LDB2: variants seen among roughly 807,000 people sequenced by gnomAD.
LDB2 encodes the protein LIM domain-binding protein 2.
A neutral mutation model predicts 44.3 loss-of-function variants in LDB2; 12 were observed. That is an observed-to-expected ratio of 0.27 (90% confidence interval 0.17 to 0.44). The LOEUF (loss-of-function observed/expected upper bound fraction) is 0.44, where lower values mean the gene tolerates loss of function less well. Among genes scored for constraint, LDB2 ranks in the 20% least tolerant of loss-of-function variants. The probability of loss-of-function intolerance (pLI) is 1.00; values close to 1 mark genes in which losing one functional copy is unlikely to be tolerated. For synonymous variants in LDB2, 164 were observed against 174.8 expected, an observed-to-expected ratio of 0.94 and a Z score of 0.49; for missense variants, 344 against 473.5, an observed-to-expected ratio of 0.73 and a Z score of 2.54.
At chr4:16,743,368 C>G (rs922645405) in intron 2 of LDB2, among the ~76,000 whole-genome samples, 1 of 152,106 alleles carries the variant, frequency 6.6e-6, no homozygotes, top group African/African-American at 2.4e-5. Context: ...AGAAAGAATT[C>G]TGAGTGGCCT....
At chr4:16,722,507 C>T (rs114088801) in intron 2 of LDB2, among the ~76,000 whole-genome samples, 2,707 of 152,224 alleles carry the variant, frequency 0.018, 73 homozygotes, top group African/African-American at 0.062. Flanking sequence ...AAAGGGCTAG[C>T]CTCAGAAGGA....
intron 1 of LDB2, among the ~76,000 whole-genome samples, chr4:16,830,115 GA>G (rs1013570347): frequency 6.6e-6 from 1 of 151,056 alleles, no homozygotes; most frequent in Non-Finnish European, 1.5e-5. Context: ...ATCTCAAAAA[GA>G]AAAAAAAGAA....
chr4:16,835,621 C>T (rs971796549), intron 1 of LDB2, among the ~76,000 whole-genome samples: 13 of 152,270 alleles, frequency 8.5e-5, no homozygotes, highest in South Asian at 4.1e-4. Flanking sequence ...TAATTAAATT[C>T]GAATTGCTAG....
intron 5 of LDB2, among the ~76,000 whole-genome samples, chr4:16,532,675 TC>T (rs1730545376): frequency 6.6e-6 from 1 of 152,178 alleles, no homozygotes; most frequent in East Asian, 1.9e-4. Flanking sequence ...GTTGCTTTTT[TC>T]CCCCATTACC....
chr4:16,602,570 C>T (rs1722861644), intron 2 of LDB2, among the ~76,000 whole-genome samples: 1 of 152,144 alleles, frequency 6.6e-6, no homozygotes, highest in African/African-American at 2.4e-5. Flanking sequence ...AATGTCAAGA[C>T]ATTGAAAGAT....
intron 2 of LDB2, among the ~76,000 whole-genome samples, chr4:16,692,025 T>C (rs1395002437): frequency 6.6e-6 from 1 of 152,194 alleles, no homozygotes; most frequent in Non-Finnish European, 1.5e-5. Flanking sequence ...TTGTGCTGAA[T>C]CTGTGGCATT....
At chr4:16,745,540 A>C (rs948585471) in intron 2 of LDB2, among the ~76,000 whole-genome samples, 8 of 152,240 alleles carry the variant, frequency 5.3e-5, no homozygotes, top group African/African-American at 1.9e-4. Context: ...GGAGGCTTGG[A>C]GAAAATGCCA....
intron 5 of LDB2, among the ~76,000 whole-genome samples, chr4:16,564,259 G>T (rs1334857100): frequency 2.0e-5 from 3 of 152,210 alleles, no homozygotes; most frequent in Non-Finnish European, 4.4e-5. Flanking sequence ...TCCCCAGGAG[G>T]CTGAGACAGG....
At chr4:16,854,091 T>C (rs1004727104) in intron 1 of LDB2, among the ~76,000 whole-genome samples, 5 of 152,058 alleles carry the variant, frequency 3.3e-5, no homozygotes, top group African/African-American at 1.2e-4. Context: ...ATAGGTAATA[T>C]AACTGTATGG....
chr4:16,840,412 A>T (rs1481808478), intron 1 of LDB2, among the ~76,000 whole-genome samples: 1 of 152,208 alleles, frequency 6.6e-6, no homozygotes, highest in Non-Finnish European at 1.5e-5. Context: ...AATAATTTCC[A>T]TGTCCTCTTT....
chr4:16,521,936 G>A (rs942044529), intron 5 of LDB2, among the ~76,000 whole-genome samples: 4 of 152,118 alleles, frequency 2.6e-5, no homozygotes, highest in African/African-American at 4.8e-5. Context: ...TGGGAGCCTC[G>A]TGTGTTGTGG....
At position 16,533,035 on chromosome 4, in the gene LDB2, T is replaced by A. The variant is rs918773365; in HGVS notation, c.616-20931A>T. 1.3e-5 allele frequency among the ~76,000 whole-genome samples: 2 copies of A among 152,190 alleles called. No individual in the cohort carries two copies. Among genetic ancestry groups the A allele is most frequent in the Non-Finnish European group, 2.9e-5 (2 of 68,038 alleles). On this transcript the variant is annotated intron_variant, in intron 5 of 7. Coordinates refer to ENST00000304523, the MANE Select transcript of LDB2 (RefSeq NM_001290.5). The surrounding 1 kb of genome is among the most constrained non-coding windows in gnomAD (Gnocchi z 4.1). ...AAAATGAGGAGTTAGGGGATGGAATTAGTGTGACCAACTTGCTTCAGTTTG... is the reference window on the plus strand; with the variant it reads ...AAAATGAGGAGTTAGGGGATGGAATAAGTGTGACCAACTTGCTTCAGTTTG...
At chr4:16,615,062 T>C (rs1239208763) in intron 2 of LDB2, among the ~76,000 whole-genome samples, 1 of 92,636 alleles carries the variant, frequency 1.1e-5, no homozygotes, top group Non-Finnish European at 1.9e-5. Flanking sequence ...AGAGCGAGAC[T>C]CCGTCTCAAA....
chr4:16,641,938 C>T (rs1308175929), intron 2 of LDB2, among the ~76,000 whole-genome samples: 1 of 151,880 alleles, frequency 6.6e-6, no homozygotes, highest in Non-Finnish European at 1.5e-5. Flanking sequence ...GAAACAATTA[C>T]TAAAAGTAAC....
chr4:16,708,222 C>T (rs1033480151), intron 2 of LDB2, among the ~76,000 whole-genome samples: 20 of 151,980 alleles, frequency 1.3e-4, no homozygotes, highest in Admixed American at 9.8e-4. Context: ...GCACACACAC[C>T]TATAAACTCA....
intron 2 of LDB2, among the ~76,000 whole-genome samples, chr4:16,745,639 C>T (rs2109056195): frequency 6.6e-6 from 1 of 152,128 alleles, no homozygotes; most frequent in South Asian, 2.1e-4. Context: ...CCCCATACTG[C>T]GTTAAGAAAG....
In LDB2 at chr4:16,864,712, G is replaced by A. The variant is rs180718512; in HGVS notation, c.132+33642C>T. ...GGCCGAGGTGGATGGATCACCTGAG[G>A]TCAGGAGTTCGAGACCAGCCTGGCC... On this transcript the variant is annotated intron_variant, in intron 1 of 7. Coordinates refer to ENST00000304523, the MANE Select transcript of LDB2 (RefSeq NM_001290.5). Among the ~76,000 whole-genome samples, 31 of 152,226 alleles carry A rather than the reference G, an allele frequency of 2.0e-4. No homozygotes were observed. The East Asian group carries it at 2.1e-3, about 10-fold the overall frequency.
At chr4:16,767,122 C>T (rs1349715009) in intron 1 of LDB2, among the ~76,000 whole-genome samples, 1 of 152,138 alleles carries the variant, frequency 6.6e-6, no homozygotes, top group Non-Finnish European at 1.5e-5. Flanking sequence ...CTGATTGATG[C>T]ATGGGTAGAG....
At chr4:16,765,854 A>G (rs936787572) in intron 1 of LDB2, among the ~76,000 whole-genome samples, 1 of 152,186 alleles carries the variant, frequency 6.6e-6, no homozygotes, top group South Asian at 2.1e-4. Flanking sequence ...ATTTAAATAA[A>G]TTATCTCACA....
Sources: allele counts gnomAD v4.1 joint callset (sites outside exome capture counted in the v4.1 genomes callset), GRCh38; gene constraint gnomAD v4.1.1; non-coding constraint Gnocchi (gnomAD v3.1); transcripts MANE v1.5; gene names NCBI Gene and HGNC (gene_info 2026-07-23, HGNC 2026-07-21).